LOXL4: variants seen among roughly 807,000 people sequenced by gnomAD.
LOXL4 encodes lysyl oxidase like 4, also known as lysyl oxidase homolog 4.
A neutral mutation model predicts 89.1 loss-of-function variants in LOXL4; 72 were observed. That is an observed-to-expected ratio of 0.81 (90% confidence interval 0.67 to 0.98). The LOEUF (loss-of-function observed/expected upper bound fraction) is 0.98. LOXL4 is among the 50% of genes least tolerant of loss of function. The pLI is 0.00. For synonymous variants in LOXL4, 355 were observed against 392.1 expected (o/e 0.91, Z 1.12); for missense variants, 984 against 1,017.5 (o/e 0.97, Z 0.45).
rs1251312698 is a variant in LOXL4 at position 98,253,631 on chromosome 10, G to T, written c.1757C>A (p.Thr586Lys). 2 of 1,614,274 alleles carry T rather than the reference G, an allele frequency of 1.2e-6. No individual in the cohort carries two copies. Among genetic ancestry groups the T allele is most frequent in the Non-Finnish European group, 1.7e-6 (2 of 1,180,050 alleles). The stretch of plus-strand genomic sequence containing the variant: ...AGTCCGGCCCAGATTGTAGATCTGT[G>T]TGGAGAAGCGCAATAGGCGGCGGTA... The part of the protein sequence containing the change: ...YGYRRLLRFS[T>K]QIYNLGRTDF... Residue 586 changes from threonine (T) to lysine (K), a missense_variant, in exon 11 of 15, where the codon ACA becomes AAA. By Grantham distance (78) the Thr-to-Lys change is moderately conservative. Transcript: ENST00000260702.
chr10:98,250,933 G>A, intron 14 of LOXL4, 132 bp downstream of exon 14: 1 of 668,132 alleles, frequency 1.5e-6, no homozygotes, highest in South Asian at 1.7e-5. Flanking sequence ...ATGCATCTCT[G>A]TTCCATCCAT....
intron 3 of LOXL4, among the ~76,000 whole-genome samples, chr10:98,261,363 G>T (rs183882595): frequency 6.6e-6 from 1 of 152,192 alleles, no homozygotes; most frequent in South Asian, 2.1e-4. Context: ...TCAGTTCCTC[G>T]AATTTGTCAA....
intron 12 of LOXL4, chr10:98,251,956 A>G: frequency 3.7e-6 from 2 of 536,210 alleles, no homozygotes; most frequent in Non-Finnish European, 6.6e-6. Flanking sequence ...GTGCTAATTT[A>G]CTTGTGCATC....
intron 1 of LOXL4, 109 bp from the exon 2 acceptor site, chr10:98,263,160 A>ATGTGTGTG: frequency 2.0e-6 from 1 of 496,010 alleles, no homozygotes; most frequent in Non-Finnish European, 3.6e-6. Context: ...CCCCCCTCAA[A>ATGTGTGTG]TGTGTGTGTG....
At position 98,258,119 on chromosome 10, in the gene LOXL4, G is replaced by A. The variant is rs200492028; in HGVS notation, c.967C>T (p.Arg323Trp). The change falls in exon 7 of 15, where the codon CGG becomes TGG. Residue 323 changes from arginine to tryptophan, a missense_variant. Transcript: ENST00000260702. ...TGGCGGTTCATGAGCACTTCCACCC[G>A]GCCCTCGCCCACCTGGGCCCCGGAG... ...LRSGAQVGEG[R>W]VEVLMNRQWG... is the part of the protein sequence containing the mutation. 4.3e-6 allele frequency: 7 copies of A among 1,613,180 alleles called. No individual in the cohort carries two copies. Among genetic ancestry groups the A allele is most frequent in the Non-Finnish European group, 4.2e-6 (5 of 1,179,886 alleles).
chr10:98,251,084 C>G lies in LOXL4; in HGVS notation c.2181G>C (p.Trp727Cys). Residue 727 changes from tryptophan to cysteine, a missense_variant, in exon 14 of 15, where the codon TGG becomes TGC. Trp to Cys is a radical substitution (Grantham distance 215, BLOSUM62 -2). Transcript: ENST00000260702. ...AGTTACCTGTGTGGCAGTTGTGCAG[C>G]CAGACCCGGTGCCCATCATACTTGC... is the stretch of plus-strand genomic sequence containing the variant. ...CRCKYDGHRVWLHNCHTGNSY... is the reference protein window; with the variant it reads ...CRCKYDGHRVCLHNCHTGNSY... 5 of 1,614,008 alleles carry G rather than the reference C, an allele frequency of 3.1e-6. No homozygotes were observed. The highest frequency in any genetic ancestry group is 4.2e-6 in the Non-Finnish European group (5 of 1,179,958).
intron 1 of LOXL4, among the ~76,000 whole-genome samples, chr10:98,266,555 G>T (rs1226357385): frequency 1.3e-5 from 2 of 152,158 alleles, no homozygotes; most frequent in Admixed American, 1.3e-4. Flanking sequence ...GGACCCTGGG[G>T]TCTGGGCCAG....
At chr10:98,253,462 C>G in intron 11 of LOXL4, 91 bp downstream of exon 11, 3 of 1,578,936 alleles carry the variant, frequency 1.9e-6, no homozygotes, top group Non-Finnish European at 2.6e-6. Flanking sequence ...CCCAGGAAAA[C>G]TTGCCTGTGG....
intron 2 of LOXL4, 59 bp downstream of exon 2, chr10:98,262,684 A>G (rs1443838833): frequency 6.4e-7 from 1 of 1,567,926 alleles, no homozygotes; most frequent in East Asian, 2.3e-5. Context: ...CAGTGAGCCC[A>G]GCCCAAGAAG....
intron 1 of LOXL4, among the ~76,000 whole-genome samples, chr10:98,263,338 G>A (rs1378953234): frequency 2.0e-5 from 3 of 152,152 alleles, no homozygotes; most frequent in African/African-American, 7.2e-5. Flanking sequence ...TCCATCTCAC[G>A]GTGTTGTTGA....
chr10:98,262,332 G>T (rs1858567858), intron 2 of LOXL4, 119 bp from the exon 3 acceptor site: 1 of 1,084,750 alleles, frequency 9.2e-7, no homozygotes, highest in African/African-American at 1.6e-5. Context: ...GAAAGTGGCA[G>T]GGAGGAGGAA....
In LOXL4 at chr10:98,251,062, T is replaced by TA. The variant is rs752004075; in HGVS notation, c.2200+2dup. On this transcript the variant is annotated splice_region_variant and intron_variant, in intron 14 of 14. Coordinates refer to ENST00000260702, the MANE Select transcript of LOXL4 (RefSeq NM_032211.7). ...GGCTGATTCCACAGTGGCTCGGAGT[T>TA]ACCTGTGTGGCAGTTGTGCAGCCAG... The TA allele has an allele frequency of 2.5e-6, 4 of 1,610,282 alleles. No individual in the cohort carries two copies. Among genetic ancestry groups the TA allele is most frequent in the Non-Finnish European group, 8.5e-7 (1 of 1,176,692 alleles).
intron 13 of LOXL4, 132 bp from the exon 14 acceptor site, chr10:98,251,308 T>A: frequency 1.2e-6 from 1 of 822,890 alleles, no homozygotes. Context: ...AGGTAGGTAC[T>A]GATGTTCCCA....
intron 14 of LOXL4, 66 bp downstream of exon 14, chr10:98,250,999 G>T: frequency 8.9e-7 from 1 of 1,129,572 alleles, no homozygotes; most frequent in Non-Finnish European, 1.3e-6. Flanking sequence ...GGAGCAGAGG[G>T]TACATTTACA....
chr10:98,261,601 C>T lies in LOXL4; in HGVS notation c.456+434G>A, dbSNP rs1019196076. On this transcript the variant is annotated intron_variant, in intron 3 of 14. Transcript: ENST00000260702. ...CCAGTACAGAGTCCCCATCACAACACGCTGCATTCAGTGGCCATGGCCAGC... is the reference window on the plus strand; with the variant it reads ...CCAGTACAGAGTCCCCATCACAACATGCTGCATTCAGTGGCCATGGCCAGC... 3.9e-5 allele frequency among the ~76,000 whole-genome samples: 6 copies of T among 152,352 alleles called. No homozygotes were observed. The East Asian group carries it at 5.8e-4, about 15-fold the overall frequency.
Position 98,251,681 on chromosome 10 carries a change from C to A in LOXL4, c.1973G>T (p.Cys658Phe). ...CPTGLQRRYA[C>F]ANFGEQGVTV... ...CACTCCCTGTTCTCCAAAGTTGGCA[C>A]ATGCGTAGCGCCGCTGCAGTCCTGT... The change falls in exon 13 of 15, where the codon TGT becomes TTT. Residue 658 changes from cysteine to phenylalanine, a missense_variant. Cys to Phe is a radical substitution (Grantham distance 205). Transcript: ENST00000260702. 1 of 1,614,268 alleles carries A rather than the reference C, an allele frequency of 6.2e-7. No homozygotes were observed. Among genetic ancestry groups the A allele is most frequent in the South Asian group, 1.1e-5 (1 of 91,092 alleles).
chr10:98,251,785 A>G (rs1001367994), intron 12 of LOXL4, 83 bp from the exon 13 acceptor site: 63 of 1,515,526 alleles, frequency 4.2e-5, no homozygotes, highest in African/African-American at 2.3e-4. Context: ...GTTCAGTGTC[A>G]TCATGCCCAG....
Position 98,262,049 on chromosome 10 carries a change from C to T in LOXL4, c.442G>A (p.Ala148Thr), listed in dbSNP as rs768838710. Residue 148 changes from alanine (A) to threonine (T), a missense_variant, in exon 3 of 15, where the codon GCC (alanine) becomes ACC (threonine). Coordinates refer to ENST00000260702, the MANE Select transcript of LOXL4 (RefSeq NM_032211.7). ...RGYLSETVSNALGPQGRRLEE... is the reference protein window; with the variant it reads ...RGYLSETVSNTLGPQGRRLEE... The stretch of plus-strand genomic sequence containing the variant: ...AGCCTCCTCACCTGGGGCCCAAGGG[C>T]ATTGGAGACAGTTTCAGAAAGGTAG... 2 of 1,610,392 alleles carry T rather than the reference C, an allele frequency of 1.2e-6. No homozygotes were observed. The highest frequency in any genetic ancestry group is 8.5e-7 in the Non-Finnish European group (1 of 1,178,404).
intron 7 of LOXL4, 36 bp downstream of exon 7, chr10:98,257,945 C>T (rs776612592): frequency 6.2e-7 from 1 of 1,608,110 alleles, no homozygotes; most frequent in South Asian, 1.1e-5. Context: ...GTGGCATATC[C>T]AGGCCTTCTA....
Sources: allele counts gnomAD v4.1 joint callset (sites outside exome capture counted in the v4.1 genomes callset), GRCh38; gene constraint gnomAD v4.1.1; transcripts MANE v1.5; gene names NCBI Gene and HGNC (gene_info 2026-07-23, HGNC 2026-07-21).